Variants in GOLGA5 observed in about 807,000 individuals in gnomAD.
The protein encoded by GOLGA5 is golgin A5, also known as golgin subfamily A member 5.
In GOLGA5, 50 loss-of-function variants were observed where a neutral mutation model predicts 93.5. The ratio of observed to expected loss-of-function variants is 0.53; its 90% CI spans 0.43 to 0.68. The LOEUF is 0.68. GOLGA5 is among the 30% of genes least tolerant of loss of function. GOLGA5 has a pLI of 0.00. For synonymous variants in GOLGA5, 312 were observed against 304.5 expected (o/e 1.02, Z -0.26); for missense variants, 760 against 856.4 (o/e 0.89, Z 1.40).
chr14:92,807,156 GTCA>G (rs1885005361), intron 3 of GOLGA5, among the ~76,000 whole-genome samples, 193 bp downstream of exon 3: 2 of 152,160 alleles, frequency 1.3e-5, no homozygotes, highest in African/African-American at 2.4e-5. Context: ...AAAAAAATTA[GTCA>G]GATGTGGTTG....
chr14:92,818,718 A>T (rs139197500), intron 7 of GOLGA5, among the ~76,000 whole-genome samples: 1 of 152,168 alleles, frequency 6.6e-6, no homozygotes, highest in East Asian at 1.9e-4. Context: ...GTTTGTGGTG[A>T]TGAGTATGAA....
intron 9 of GOLGA5, among the ~76,000 whole-genome samples, chr14:92,832,715 C>T (rs993631589): frequency 1.3e-5 from 2 of 152,166 alleles, no homozygotes; most frequent in Admixed American, 6.6e-5. Context: ...TTTTGAATCC[C>T]TGTTGAAAAG....
In GOLGA5 at chr14:92,816,527, T is replaced by TCTTCGCTTCTCTTCG. The variant is rs1885210158; in HGVS notation, c.1491+115_1491+116insTCTTCGCTTCGCTTC. ...ACTAAAGCGATAGGTTTCTCGCTTC[T>TCTTCGCTTCTCTTCG]CTTCGCTTCGCTTCGCTTCTCTTCT... On this transcript the variant is annotated intron_variant, in intron 7 of 12. Transcript: ENST00000163416. 8 of 691,278 alleles carry TCTTCGCTTCTCTTCG rather than the reference T, an allele frequency of 1.2e-5. No individual in the cohort carries two copies. In the Admixed American group the frequency reaches 1.7e-4, roughly 15 times the overall value. The allele number at this position is 691,278 out of a possible 1,614,324, so 42.8% of individuals were successfully genotyped here. A position where few individuals can be genotyped will look rare whatever the true frequency, so the allele number is the denominator to read the frequency against.
chr14:92,808,660 T>TG (rs2140318304), intron 3 of GOLGA5, among the ~76,000 whole-genome samples: 1 of 74,042 alleles, frequency 1.4e-5, no homozygotes, highest in African/African-American at 7.8e-5. Flanking sequence ...CTCATGTTTT[T>TG]GGGTTTTTTT....
At chr14:92,828,783 C>T (rs2140332577) in intron 9 of GOLGA5, among the ~76,000 whole-genome samples, 1 of 151,250 alleles carries the variant, frequency 6.6e-6, no homozygotes, top group Middle Eastern at 3.5e-3. Context: ...ATTCTTGTGC[C>T]TTGGTCTCCC....
intron 6 of GOLGA5, among the ~76,000 whole-genome samples, chr14:92,815,739 T>C (rs1885189578): frequency 6.9e-6 from 1 of 145,948 alleles, no homozygotes; most frequent in Non-Finnish European, 1.5e-5. Flanking sequence ...AGTCTGGCTC[T>C]GTCACCCAGG....
chr14:92,818,132 C>T (rs140268659), intron 7 of GOLGA5, among the ~76,000 whole-genome samples: 485 of 152,134 alleles, frequency 3.2e-3, no homozygotes, highest in Middle Eastern at 0.014. Context: ...ATGAAAAATA[C>T]TTGTTTTATT....
At chr14:92,812,453 T>A (rs1487229574) in intron 6 of GOLGA5, among the ~76,000 whole-genome samples, 1 of 152,136 alleles carries the variant, frequency 6.6e-6, no homozygotes, top group East Asian at 1.9e-4. Flanking sequence ...AGAAAAACAG[T>A]CTCTTTTAGC....
At chr14:92,802,300 A>C (rs1202804991) in intron 2 of GOLGA5, among the ~76,000 whole-genome samples, 1 of 152,118 alleles carries the variant, frequency 6.6e-6, no homozygotes, top group Non-Finnish European at 1.5e-5. Context: ...GTATTCCTTA[A>C]AATGTTTTGC....
intron 8 of GOLGA5, among the ~76,000 whole-genome samples, chr14:92,823,975 C>G (rs1885366260): frequency 6.6e-6 from 1 of 151,728 alleles, no homozygotes; most frequent in African/African-American, 2.4e-5. Context: ...TTTGTTTTTG[C>G]TACTATTATT....
chr14:92,815,699 CT>C (rs571410551), intron 6 of GOLGA5, among the ~76,000 whole-genome samples: 63,987 of 91,270 alleles, frequency 0.7, 22,150 homozygotes, highest in African/African-American at 0.8. Context: ...TTTTTTTAAT[CT>C]TTTTTTTTTT....
In GOLGA5 at chr14:92,809,347, T is replaced by C. The variant is rs754276162; in HGVS notation, c.820T>C (p.Ser274Pro). 125 of 1,613,618 alleles carry C rather than the reference T, an allele frequency of 7.7e-5. No homozygotes were observed. The highest frequency in any genetic ancestry group is 1.0e-4 in the Non-Finnish European group (119 of 1,179,674). Reference sequence around the variant, plus strand: ...AGTTGAAAAGTGGAATGCTGACCATTCAAAGAGTGATCGAATGACTCGAGG... The same window carrying C: ...AGTTGAAAAGTGGAATGCTGACCATCCAAAGAGTGATCGAATGACTCGAGG... The part of the protein sequence containing the change: ...ARVEKWNADH[S>P]KSDRMTRGLR... Residue 274 changes from serine to proline, a missense_variant, in exon 4 of 13, where the codon TCA (serine) becomes CCA (proline). Ser to Pro is a moderately conservative substitution (Grantham distance 74). Coordinates refer to ENST00000163416, the MANE Select transcript of GOLGA5 (RefSeq NM_005113.4).
At chr14:92,803,978 A>C (rs1176976326) in intron 2 of GOLGA5, among the ~76,000 whole-genome samples, 2 of 152,120 alleles carry the variant, frequency 1.3e-5, no homozygotes, top group African/African-American at 4.8e-5. Context: ...CCAGGGAACC[A>C]CTTTTGGTTA....
intron 3 of GOLGA5, among the ~76,000 whole-genome samples, chr14:92,808,624 G>T (rs1273086520): frequency 6.6e-6 from 1 of 150,898 alleles, no homozygotes. Context: ...CTGCACTCCA[G>T]CCGGGGCAAC....
At chr14:92,831,596 A>C (rs1595604335) in intron 9 of GOLGA5, among the ~76,000 whole-genome samples, 1 of 152,136 alleles carries the variant, frequency 6.6e-6, no homozygotes, top group East Asian at 1.9e-4. Flanking sequence ...CATTTGTCAC[A>C]GTTCGTTTTT....
chr14:92,801,146 A>G (rs1044537210), intron 2 of GOLGA5, among the ~76,000 whole-genome samples: 1 of 152,214 alleles, frequency 6.6e-6, no homozygotes, highest in African/African-American at 2.4e-5. Flanking sequence ...TTGAGAACCA[A>G]TGTCCTGAGA....
chr14:92,831,429 T>A (rs933294751), intron 9 of GOLGA5, among the ~76,000 whole-genome samples: 2 of 152,092 alleles, frequency 1.3e-5, no homozygotes, highest in African/African-American at 2.4e-5. Flanking sequence ...TTTTTTTTTT[T>A]AAAAGCCATG....
intron 2 of GOLGA5, among the ~76,000 whole-genome samples, chr14:92,798,364 C>T (rs1458846607): frequency 6.6e-6 from 1 of 152,176 alleles, no homozygotes; most frequent in Non-Finnish European, 1.5e-5. Context: ...TGACAGGAGG[C>T]TGTACTTCAC....
chr14:92,821,398 C>G (rs1885314832), intron 8 of GOLGA5, among the ~76,000 whole-genome samples: 1 of 152,118 alleles, frequency 6.6e-6, no homozygotes. Context: ...TTAATGTACT[C>G]ATATAATAGT....
Sources: allele counts gnomAD v4.1 joint callset (sites outside exome capture counted in the v4.1 genomes callset), GRCh38; gene constraint gnomAD v4.1.1; transcripts MANE v1.5; gene names NCBI Gene and HGNC (gene_info 2026-07-23, HGNC 2026-07-21).